The following PID1 variants were observed in gnomAD, a reference collection of about 807,000 sequenced individuals.
PID1 encodes the protein PTB-containing, cubilin and LRP1-interacting protein.
Under a neutral mutation model 19.1 loss-of-function variants are expected in PID1, and 10 were observed. The ratio of observed to expected loss-of-function variants is 0.52; its 90% CI spans 0.32 to 0.89. PID1 has a LOEUF of 0.89. PID1 is among the 40% of genes least tolerant of loss of function. PID1 has a pLI of 0.03. For missense variants in PID1, 248 were observed against 285.3 expected (o/e 0.87, Z 0.94); for synonymous variants, 130 against 116.0 (o/e 1.12, Z -0.78).
At chr2:229,062,100 T>G (rs1352480925) in intron 2 of PID1, among the ~76,000 whole-genome samples, 1 of 151,988 alleles carries the variant, frequency 6.6e-6, no homozygotes, top group Admixed American at 6.6e-5. Context: ...TATCTAATTG[T>G]TCTAGCTACA....
chr2:229,239,419 C>G (rs1308491016), intron 1 of PID1, among the ~76,000 whole-genome samples: 1 of 152,072 alleles, frequency 6.6e-6, no homozygotes, highest in East Asian at 1.9e-4. Flanking sequence ...CCACCTTGCC[C>G]TTTACAGCCA....
intron 1 of PID1, among the ~76,000 whole-genome samples, chr2:229,238,715 G>A (rs1689787687): frequency 1.3e-5 from 2 of 151,998 alleles, no homozygotes; most frequent in Non-Finnish European, 2.9e-5. Context: ...TGGCCTCACA[G>A]GGAAGACATG....
intron 1 of PID1, among the ~76,000 whole-genome samples, chr2:229,166,086 C>T (rs946947791): frequency 3.3e-5 from 5 of 152,108 alleles, no homozygotes; most frequent in Non-Finnish European, 7.3e-5. Context: ...TCTCATCAAG[C>T]GAATGGACAA....
chr2:229,229,448 C>T (rs1207166744), intron 1 of PID1, among the ~76,000 whole-genome samples: 1 of 148,536 alleles, frequency 6.7e-6, no homozygotes, highest in Non-Finnish European at 1.5e-5. Flanking sequence ...GCCTGGGCAA[C>T]AAGACGAAAC....
At chr2:229,093,214 T>C (rs1342985404) in intron 2 of PID1, among the ~76,000 whole-genome samples, 3 of 148,868 alleles carry the variant, frequency 2.0e-5, no homozygotes, top group Non-Finnish European at 4.4e-5. Context: ...CCACTCCACC[T>C]CCGGGTTCAA....
rs1553570278 is a variant in PID1 at position 229,163,684 on chromosome 2, T to TGTGTGCGCGCGCATGTGC, written c.31-7721_31-7720insGCACATGCGCGCGCACAC. Among the ~76,000 whole-genome samples, 39 of 78,118 alleles carry TGTGTGCGCGCGCATGTGC rather than the reference T, an allele frequency of 5.0e-4. 1 individual carries two copies. The highest frequency in any genetic ancestry group is 1.4e-3 in the African/African-American group (38 of 26,232). The allele number at this position is 78,118 out of a possible 152,430, so 51.2% of individuals were successfully genotyped here. On this transcript the variant is annotated intron_variant, in intron 1 of 2. Coordinates refer to ENST00000392055, the MANE Select transcript of PID1 (RefSeq NM_001100818.2). The stretch of plus-strand genomic sequence containing the variant: ...GTGTGTGTGTGTGTGTGCGTGTGCG[T>TGTGTGCGCGCGCATGTGC]GTGTGTGTGTGTATACTCACTAATT...
chr2:229,049,009 G>A (rs1369896150), intron 2 of PID1, among the ~76,000 whole-genome samples: 5 of 152,192 alleles, frequency 3.3e-5, no homozygotes, highest in African/African-American at 7.2e-5. Context: ...TGCAAAAGAA[G>A]AGAGGAGACA....
chr2:229,078,921 G>C (rs993793136), intron 2 of PID1, among the ~76,000 whole-genome samples: 1 of 152,056 alleles, frequency 6.6e-6, no homozygotes, highest in East Asian at 1.9e-4. Context: ...CAGAGAGTGA[G>C]GAAAATGGAA....
intron 1 of PID1, among the ~76,000 whole-genome samples, chr2:229,174,349 G>A (rs901821539): frequency 2.0e-5 from 3 of 152,212 alleles, no homozygotes; most frequent in African/African-American, 4.8e-5. Context: ...AGGTACCTAC[G>A]GAGCTCACGG....
At chr2:229,159,115 A>T (rs1355630648) in intron 1 of PID1, among the ~76,000 whole-genome samples, 1 of 152,208 alleles carries the variant, frequency 6.6e-6, no homozygotes, top group Non-Finnish European at 1.5e-5. Context: ...AACAAAGGAT[A>T]AATGCTTGAA....
rs1488944858 is a variant in PID1, at chr2:229,040,450, A to G, written c.178-14342T>C. On this transcript the variant is annotated intron_variant, in intron 2 of 2. Coordinates refer to ENST00000392055, the MANE Select transcript of PID1 (RefSeq NM_001100818.2). ...AACCAGAAGAAAAAAACTGATTACC[A>G]ACATGCAGTGGTTGCTTGGGAATGG... is the stretch of plus-strand genomic sequence containing the variant. 5.3e-5 allele frequency among the ~76,000 whole-genome samples: 8 copies of G among 152,182 alleles called. No individual in the cohort carries two copies. In the South Asian group the frequency reaches 1.7e-3, roughly 32 times the overall value.
chr2:229,109,410 C>A (rs1695248553), intron 2 of PID1, among the ~76,000 whole-genome samples: 1 of 152,154 alleles, frequency 6.6e-6, no homozygotes, highest in African/African-American at 2.4e-5. Flanking sequence ...ATGTCAGTCA[C>A]ACGCTAGTCG....
chr2:229,147,008 G>C (rs1478082629), intron 2 of PID1, among the ~76,000 whole-genome samples: 1 of 152,162 alleles, frequency 6.6e-6, no homozygotes, highest in African/African-American at 2.4e-5. Context: ...CTATGAGAGA[G>C]TAAATTTCTG....
intron 2 of PID1, among the ~76,000 whole-genome samples, chr2:229,037,076 A>G (rs1364747284): frequency 2.0e-5 from 3 of 152,212 alleles, no homozygotes; most frequent in Non-Finnish European, 4.4e-5. Flanking sequence ...CACAATCTCT[A>G]GGGCACATAT....
At chr2:229,126,302 T>A (rs1419306096) in intron 2 of PID1, among the ~76,000 whole-genome samples, 3 of 152,028 alleles carry the variant, frequency 2.0e-5, no homozygotes, top group African/African-American at 7.2e-5. Flanking sequence ...AGGCACTGAG[T>A]TTTTCCCATT....
chr2:229,156,008 AC>A (rs1379477774), intron 1 of PID1, 44 bp from the exon 2 acceptor site: 9 of 1,584,730 alleles, frequency 5.7e-6, no homozygotes, highest in Non-Finnish European at 6.9e-6. Context: ...AATCACTTGG[AC>A]TTTTATGTCC....
At chr2:229,123,607 C>A (rs776480084) in intron 2 of PID1, among the ~76,000 whole-genome samples, 10 of 152,180 alleles carry the variant, frequency 6.6e-5, no homozygotes, top group Admixed American at 1.3e-4. Flanking sequence ...ACGGTGTTTT[C>A]CAAAATGCCA....
At chr2:229,139,114 A>C (rs1689948409) in intron 2 of PID1, among the ~76,000 whole-genome samples, 12 of 35,002 alleles carry the variant, frequency 3.4e-4, no homozygotes, top group African/African-American at 1.8e-3. Context: ...AAAGAAAGAA[A>C]GAGAAAGAAA....
intron 2 of PID1, among the ~76,000 whole-genome samples, chr2:229,111,999 A>G (rs1445682170): frequency 1.3e-5 from 2 of 152,238 alleles, no homozygotes; most frequent in East Asian, 1.9e-4. Flanking sequence ...GAGGGAAAAG[A>G]TAAGTGTCTG....
Sources: allele counts gnomAD v4.1 joint callset (sites outside exome capture counted in the v4.1 genomes callset), GRCh38; gene constraint gnomAD v4.1.1; transcripts MANE v1.5; gene names NCBI Gene and HGNC (gene_info 2026-07-23, HGNC 2026-07-21).